The following SPATA6 variants were observed in gnomAD, a reference collection of about 807,000 sequenced individuals.
SPATA6 encodes the protein spermatogenesis associated 6.
A neutral mutation model predicts 65.3 loss-of-function variants in SPATA6; 56 were observed. That is an observed-to-expected ratio of 0.86 (90% CI 0.69 to 1.07). The LOEUF (loss-of-function observed/expected upper bound fraction) is 1.07, where lower values mean the gene tolerates loss of function less well. Ranked by LOEUF, SPATA6 falls within the 50% of genes least tolerant of loss-of-function variation. The probability of loss-of-function intolerance (pLI) is 0.00; values close to 1 mark genes in which losing one functional copy is unlikely to be tolerated. For missense variants in SPATA6, 590 were observed against 594.8 expected (o/e 0.99, Z 0.08); for synonymous variants, 199 against 213.2 (o/e 0.93, Z 0.58).
chr1:48,289,439 C>T, the SPATA6 span, among the ~76,000 whole-genome samples: 1 of 152,212 alleles, frequency 6.6e-6, no homozygotes, highest in South Asian at 2.1e-4. Flanking sequence ...CAGAGAGTCT[C>T]TTCTCCTCCA....
At chr1:48,399,954 G>T (rs569863294) in intron 6 of SPATA6, among the ~76,000 whole-genome samples, 1 of 36,548 alleles carries the variant, frequency 2.7e-5, no homozygotes, top group African/African-American at 6.4e-5. Context: ...TTATTTTTCA[G>T]TATACTAAAA....
At chr1:48,439,421 G>A (rs753330852) in intron 3 of SPATA6, among the ~76,000 whole-genome samples, 4 of 151,822 alleles carry the variant, frequency 2.6e-5, no homozygotes, top group Non-Finnish European at 5.9e-5. Context: ...CTGCGTCAGT[G>A]AGCGCAACTA....
rs571999263 is a variant in SPATA6 at position 48,315,765 on chromosome 1, T to A, written c.1195-9887A>T. Among the ~76,000 whole-genome samples, 1,074 of 152,284 alleles carry A rather than the reference T, an allele frequency of 7.1e-3. 18 individuals are homozygous for A. The highest frequency in any genetic ancestry group is 0.024 in the African/African-American group (1,013 of 41,542). On this transcript the variant is annotated intron_variant, in intron 11 of 12. Transcript: ENST00000371847. ...AAGTCAAATTGTCCCTGTTTGCAGC[T>A]GACATGATTGTATATCTAGAAAACC...
At chr1:48,367,789 C>A (rs1187746087) in intron 9 of SPATA6, among the ~76,000 whole-genome samples, 2 of 152,086 alleles carry the variant, frequency 1.3e-5, no homozygotes, top group African/African-American at 4.8e-5. Flanking sequence ...GCATTTAGTC[C>A]ATTTACATTT....
At chr1:48,269,754 T>C in the SPATA6 span, among the ~76,000 whole-genome samples, 4 of 151,616 alleles carry the variant, frequency 2.6e-5, no homozygotes, top group Admixed American at 6.6e-5. Context: ...ATGCAAAGTA[T>C]AAATACACTT....
In SPATA6 at chr1:48,411,683, ATT is replaced by A. The variant is rs2147982327; in HGVS notation, c.281-97_281-96del. On this transcript the variant is annotated intron_variant, in intron 4 of 12. Coordinates refer to ENST00000371847, the MANE Select transcript of SPATA6 (RefSeq NM_019073.4). Reference sequence around the variant, plus strand: ...TGATATATCTACTGCCTGATGCCTTATTGAAATACCTGTTTTGGGTCATGTTT... The same window carrying A: ...TGATATATCTACTGCCTGATGCCTTAGAAATACCTGTTTTGGGTCATGTTT... 2.8e-6 allele frequency: 3 copies of A among 1,065,002 alleles called. No homozygotes were observed. In the East Asian group the frequency reaches 9.7e-5, roughly 34 times the overall value. 66.0% of individuals were successfully genotyped at this position (1,065,002 alleles called of 1,614,324 possible). A position where few individuals can be genotyped will look rare whatever the true frequency, so the allele number is the denominator to read the frequency against.
intron 11 of SPATA6, among the ~76,000 whole-genome samples, chr1:48,307,657 T>C (rs1174844337): frequency 6.6e-6 from 1 of 151,628 alleles, no homozygotes; most frequent in Non-Finnish European, 1.5e-5. Context: ...TCCTTATTTA[T>C]CTTCTGTCTG....
At chr1:48,348,052 A>G (rs1016123294) in intron 11 of SPATA6, among the ~76,000 whole-genome samples, 6 of 151,980 alleles carry the variant, frequency 3.9e-5, no homozygotes, top group African/African-American at 7.2e-5. Context: ...TGGCCCTGTT[A>G]TTATTAAATA....
the SPATA6 span, among the ~76,000 whole-genome samples, chr1:48,290,143 C>T: frequency 6.6e-6 from 1 of 152,200 alleles, no homozygotes; most frequent in Non-Finnish European, 1.5e-5. Context: ...AGACTAACAG[C>T]TGATCTCTTG....
chr1:48,460,100 G>T (rs1657314686), intron 1 of SPATA6, among the ~76,000 whole-genome samples: 1 of 151,756 alleles, frequency 6.6e-6, no homozygotes. Flanking sequence ...CCTCCCAAGT[G>T]GCTAAGACTA....
chr1:48,359,486 CA>C lies in SPATA6; in HGVS notation c.1094+99del. ...ATTTAAGCCTTTTAAAATCAAATTACACTTTTATAAACATTCATTTCACATG... is the reference window on the plus strand; with the variant it reads ...ATTTAAGCCTTTTAAAATCAAATTACCTTTTATAAACATTCATTTCACATG... On this transcript the variant is annotated intron_variant, in intron 10 of 12. Transcript: ENST00000371847. 3 of 1,331,560 alleles carry C rather than the reference CA, an allele frequency of 2.3e-6. No individual in the cohort carries two copies. The South Asian group carries it at 4.7e-5, about 21-fold the overall frequency. 82.5% of individuals were successfully genotyped at this position (1,331,560 alleles called of 1,614,324 possible). A position where few individuals can be genotyped will look rare whatever the true frequency, so the allele number is the denominator to read the frequency against.
intron 11 of SPATA6, among the ~76,000 whole-genome samples, chr1:48,329,775 C>T (rs777849433): frequency 3.3e-5 from 5 of 152,156 alleles, no homozygotes; most frequent in Non-Finnish European, 5.9e-5. Flanking sequence ...GAGCTCAGCG[C>T]AGAACCAGGA....
At chr1:48,456,288 A>G (rs1656993322) in intron 1 of SPATA6, among the ~76,000 whole-genome samples, 1 of 152,262 alleles carries the variant, frequency 6.6e-6, no homozygotes, top group Admixed American at 6.5e-5. Flanking sequence ...GAGCAAAGCC[A>G]TCAGTGGCTA....
intron 3 of SPATA6, among the ~76,000 whole-genome samples, chr1:48,439,092 T>A (rs1345575601): frequency 2.0e-5 from 3 of 152,218 alleles, no homozygotes; most frequent in East Asian, 1.9e-4. Context: ...TTTTGGGGCA[T>A]AACATCTTTA....
chr1:48,387,525 C>T (rs1393647957), intron 8 of SPATA6, among the ~76,000 whole-genome samples: 1 of 152,162 alleles, frequency 6.6e-6, no homozygotes. Context: ...AGTAGCAGGG[C>T]AGAAGTACAG....
At chr1:48,403,771 C>T in intron 6 of SPATA6, 31 bp downstream of exon 6, 1 of 1,518,268 alleles carries the variant, frequency 6.6e-7, no homozygotes, top group Non-Finnish European at 8.9e-7. Flanking sequence ...ATAAATTAAA[C>T]CATTAAATAC....
chr1:48,375,396 C>T (rs895773388), intron 9 of SPATA6, among the ~76,000 whole-genome samples: 13 of 152,252 alleles, frequency 8.5e-5, no homozygotes, highest in African/African-American at 3.1e-4. Flanking sequence ...AAGCCACTAA[C>T]CCATTTTTGA....
chr1:48,320,266 T>C (rs183468898), intron 11 of SPATA6, among the ~76,000 whole-genome samples: 1 of 152,344 alleles, frequency 6.6e-6, no homozygotes, highest in East Asian at 1.9e-4. Flanking sequence ...AAGAGGGTTA[T>C]AGCAAACCAA....
chr1:48,430,179 C>T (rs895359387), intron 3 of SPATA6, among the ~76,000 whole-genome samples: 1 of 152,068 alleles, frequency 6.6e-6, no homozygotes, highest in African/African-American at 2.4e-5. Context: ...AAAAGTACCA[C>T]AATGAGACAC....
Sources: gnomAD v4.1 joint callset for allele counts (sites outside exome capture counted in the v4.1 genomes callset) on GRCh38, gnomAD v4.1.1 for gene constraint, MANE v1.5 for transcripts, NCBI Gene and HGNC (gene_info 2026-07-23, HGNC 2026-07-21) for gene names.